Variants in ATP1A4 observed in about 807,000 individuals in gnomAD.
ATP1A4 encodes the protein sodium/potassium-transporting ATPase subunit alpha-4.
A neutral mutation model predicts 114.3 loss-of-function variants in ATP1A4; 90 were observed. That is an observed-to-expected ratio of 0.79 (90% confidence interval 0.66 to 0.94). The LOEUF is 0.94. ATP1A4 is among the 40% of genes least tolerant of loss of function. The pLI, the probability that ATP1A4 is intolerant of heterozygous loss-of-function variation, is 0.00. For synonymous variants in ATP1A4, 511 were observed against 494.1 expected (o/e 1.03, Z -0.45); for missense variants, 1,222 against 1,313.6 (o/e 0.93, Z 1.08).
intron 20 of ATP1A4, among the ~76,000 whole-genome samples, chr1:160,183,712 CA>C (rs1340067171): frequency 6.6e-6 from 1 of 152,182 alleles, no homozygotes; most frequent in Non-Finnish European, 1.5e-5. Context: ...GTGCTTTTGA[CA>C]TATGAGACTA....
chr1:160,152,211 T>C lies in ATP1A4; in HGVS notation c.147+24T>C, dbSNP rs78088664. 2,474 of 1,609,244 alleles carry C rather than the reference T, an allele frequency of 1.5e-3. 40 individuals are homozygous for C. The African/African-American group carries it at 0.03, about 19-fold the overall frequency. ...TGGTGAGGCCACCCAAAGTGGGCGC[T>C]GACAGCTGCCCTCTGAAAACACTCC... On this transcript the variant is annotated intron_variant, in intron 1 of 21. Coordinates refer to ENST00000368081, the MANE Select transcript of ATP1A4 (RefSeq NM_144699.4).
At chr1:160,166,468 G>A (rs1653038248) in intron 7 of ATP1A4, 60 bp from the exon 8 acceptor site, 3 of 1,588,220 alleles carry the variant, frequency 1.9e-6, no homozygotes, top group Non-Finnish European at 2.6e-6. Context: ...TATCCACAAT[G>A]CAAAATGGTG....
intron 4 of ATP1A4, among the ~76,000 whole-genome samples, chr1:160,156,457 G>GT (rs1268417867): frequency 6.6e-6 from 1 of 151,012 alleles, no homozygotes; most frequent in Non-Finnish European, 1.5e-5. Context: ...ACAAGTGTTG[G>GT]TGGGGGTGGG....
chr1:160,157,530 C>T (rs1489057146), intron 4 of ATP1A4, among the ~76,000 whole-genome samples: 2 of 152,254 alleles, frequency 1.3e-5, no homozygotes, highest in South Asian at 2.1e-4. Context: ...GGTCAATTGG[C>T]AAAACTGGAA....
At chr1:160,186,043 C>T (rs1248304089) in intron 20 of ATP1A4, among the ~76,000 whole-genome samples, 1 of 134,922 alleles carries the variant, frequency 7.4e-6, no homozygotes, top group East Asian at 2.2e-4. Context: ...TGCAGTGAGC[C>T]GAGATTGCAC....
rs1013367703 is a variant in ATP1A4, at chr1:160,186,882, G to A, written c.*183G>A. 2.8e-6 allele frequency: 2 copies of A among 702,280 alleles called. No homozygotes were observed. Among genetic ancestry groups the A allele is most frequent in the Non-Finnish European group, 4.9e-6 (2 of 407,202 alleles). The allele number at this position is 702,280 out of a possible 1,614,324, so 43.5% of individuals were successfully genotyped here. A position where few individuals can be genotyped will look rare whatever the true frequency, so the allele number is the denominator to read the frequency against. On this transcript the variant is annotated 3_prime_UTR_variant, in exon 22 of 22. Transcript: ENST00000368081. Reference sequence around the variant, plus strand: ...AGAGGATGAGGTGGGCTGAAGGGAAGCCCAGCCTGCATCTAGCTGGAGCCC... The same window carrying A: ...AGAGGATGAGGTGGGCTGAAGGGAAACCCAGCCTGCATCTAGCTGGAGCCC...
chr1:160,175,593 A>G (rs1653430771), intron 15 of ATP1A4, among the ~76,000 whole-genome samples: 1 of 151,948 alleles, frequency 6.6e-6, no homozygotes, highest in South Asian at 2.1e-4. Context: ...GCCATGGGAC[A>G]GACCAAGCAG....
chr1:160,186,396 T>C, intron 21 of ATP1A4, 29 bp downstream of exon 21: 1 of 1,553,356 alleles, frequency 6.4e-7, no homozygotes, highest in Non-Finnish European at 8.9e-7. Context: ...CCGCTCTGAC[T>C]GAGTGGTCAC....
intron 6 of ATP1A4, 53 bp downstream of exon 6, chr1:160,159,579 A>C: frequency 1.4e-6 from 2 of 1,478,638 alleles, no homozygotes; most frequent in Non-Finnish European, 1.9e-6. Context: ...CCAAAACATA[A>C]AGATTTTAAT....
At chr1:160,183,865 A>G (rs1218133546) in intron 20 of ATP1A4, among the ~76,000 whole-genome samples, 1 of 151,966 alleles carries the variant, frequency 6.6e-6, no homozygotes, top group Non-Finnish European at 1.5e-5. Context: ...TTTGTATCTG[A>G]GTTCAAACAT....
At position 160,172,243 on chromosome 1, in the gene ATP1A4, C is replaced by G. The variant is rs551926798; in HGVS notation, c.1854+486C>G. Among the ~76,000 whole-genome samples the G allele has an allele frequency of 4.6e-5, 7 of 152,254 alleles. No individual in the cohort carries two copies. The South Asian group carries it at 8.3e-4, about 18-fold the overall frequency. On this transcript the variant is annotated intron_variant, in intron 12 of 21. Transcript: ENST00000368081. Reference sequence around the variant, plus strand: ...ATGCTGTTGCTGCTGGTCTGCAGACCACACTAGGAATAGCAAAGTGCTAGA... The same window carrying G: ...ATGCTGTTGCTGCTGGTCTGCAGACGACACTAGGAATAGCAAAGTGCTAGA...
In ATP1A4 at chr1:160,181,732, T is replaced by C; in HGVS notation, c.2785T>C (p.Phe929Leu). 1 of 1,614,104 alleles carries C rather than the reference T, an allele frequency of 6.2e-7. No homozygotes were observed. Among genetic ancestry groups the C allele is most frequent in the Non-Finnish European group, 8.5e-7 (1 of 1,180,022 alleles). Residue 929 changes from phenylalanine to leucine, a missense_variant, in exon 19 of 22, where the codon TTT (phenylalanine) becomes CTT (leucine). By Grantham distance (22) the Phe-to-Leu change is conservative. Coordinates refer to ENST00000368081, the MANE Select transcript of ATP1A4 (RefSeq NM_144699.4). The part of the protein sequence containing the change: ...VVEFTCQTAF[F>L]VTIVVVQWAD... ...GGAGTTCACATGCCAAACGGCCTTT[T>C]TTGTCACCATCGTGGTTGTGCAGTG...
intron 20 of ATP1A4, 45 bp downstream of exon 20, chr1:160,182,076 G>A: frequency 6.7e-7 from 1 of 1,483,146 alleles, no homozygotes; most frequent in Non-Finnish European, 9.4e-7. Flanking sequence ...CAGGCACGGG[G>A]GAGCATACAG....
At chr1:160,184,473 G>T (rs1398936299) in intron 20 of ATP1A4, among the ~76,000 whole-genome samples, 12 of 152,090 alleles carry the variant, frequency 7.9e-5, no homozygotes, top group Non-Finnish European at 1.6e-4. Context: ...CTTGAGCCCA[G>T]GAGTTCAAGA....
rs1236444398 is a variant in ATP1A4, at chr1:160,156,480, T to TG, written c.525+328dup. On this transcript the variant is annotated intron_variant, in intron 4 of 21. Transcript: ENST00000368081. ...TGGTGGGGGTGGGAGCGGGGTGCGG[T>TG]GGGGGGTGGCTGGATTCTTCAAATA... is the stretch of plus-strand genomic sequence containing the variant. 4.7e-5 allele frequency among the ~76,000 whole-genome samples: 6 copies of TG among 127,968 alleles called. No individual in the cohort carries two copies. The South Asian group carries it at 8.1e-4, about 17-fold the overall frequency. 84.0% of individuals were successfully genotyped at this position (127,968 alleles called of 152,430 possible).
At chr1:160,177,043 C>T (rs1445784719) in intron 17 of ATP1A4, among the ~76,000 whole-genome samples, 1 of 152,094 alleles carries the variant, frequency 6.6e-6, no homozygotes, top group Non-Finnish European at 1.5e-5. Context: ...GTTGGTAGAG[C>T]CCTTAGTCTT....
Position 160,177,569 on chromosome 1 carries a change from G to T in ATP1A4, c.2641G>T (p.Glu881Ter), listed in dbSNP as rs753314585. 6.2e-7 allele frequency: 1 copy of T among 1,614,174 alleles called. No homozygotes were observed. Among genetic ancestry groups the T allele is most frequent in the Admixed American group, 1.7e-5 (1 of 60,028 alleles). Residue 881 changes from glutamate to a stop codon, truncating the protein, a stop_gained, in exon 18 of 22, where the codon GAG (glutamate) becomes TAG (stop). Coordinates refer to ENST00000368081, the MANE Select transcript of ATP1A4 (RefSeq NM_144699.4). LOFTEE classifies it high-confidence loss of function. ...GFFTYFVILA[E>*]NGFRPVDLLG... ...CTTTACCTACTTTGTAATCCTGGCTGAGAATGGTTTTAGGCCTGTTGATCT... is the reference window on the plus strand; with the variant it reads ...CTTTACCTACTTTGTAATCCTGGCTTAGAATGGTTTTAGGCCTGTTGATCT...
chr1:160,174,305 G>A (rs555422522), intron 14 of ATP1A4, 44 bp downstream of exon 14: 1 of 1,613,096 alleles, frequency 6.2e-7, no homozygotes, highest in Non-Finnish European at 8.5e-7. Context: ...CAGAACTCCT[G>A]TGGCTTAGCC....
chr1:160,175,125 T>G (rs1653414754), intron 15 of ATP1A4, among the ~76,000 whole-genome samples: 1 of 152,110 alleles, frequency 6.6e-6, no homozygotes. Context: ...GAGGGTCCCC[T>G]AGGAACCTGT....
Sources: gnomAD v4.1 joint callset for allele counts (sites outside exome capture counted in the v4.1 genomes callset) on GRCh38, gnomAD v4.1.1 for gene constraint, MANE v1.5 for transcripts, NCBI Gene and HGNC (gene_info 2026-07-23, HGNC 2026-07-21) for gene names.